Variants in PGR observed in about 807,000 individuals in gnomAD.
PGR encodes the protein progesterone receptor.
A neutral mutation model predicts 76.1 loss-of-function variants in PGR; 25 were observed. The observed-to-expected ratio is 0.33, with a 90% CI of 0.24 to 0.46. The LOEUF (loss-of-function observed/expected upper bound fraction) is 0.46, where lower values mean the gene tolerates loss of function less well. Among genes scored for constraint, PGR ranks in the 20% least tolerant of loss-of-function variants. The pLI is 1.00. For synonymous variants in PGR, 579 were observed against 535.0 expected, an observed-to-expected ratio of 1.08 and a Z score of -1.14; for missense variants, 1,172 against 1,225.3, an observed-to-expected ratio of 0.96 and a Z score of 0.65.
chr11:101,063,016 A>G (rs1161152954), intron 3 of PGR: 1 of 357,316 alleles, frequency 2.8e-6, no homozygotes. Context: ...AGGTGTGGGT[A>G]ATTATACCAG....
At chr11:101,100,573 G>A (rs1861965958) in intron 2 of PGR, among the ~76,000 whole-genome samples, 1 of 151,704 alleles carries the variant, frequency 6.6e-6, no homozygotes, top group South Asian at 2.1e-4. Context: ...TTTGTTGTTA[G>A]AGGTAATAAT....
Position 101,057,373 on chromosome 11 carries a change from T to TA in PGR, c.2212+5073dup, listed in dbSNP as rs1353437066. 1.3e-4 allele frequency among the ~76,000 whole-genome samples: 20 copies of TA among 152,218 alleles called. No homozygotes were observed. The East Asian group carries it at 3.7e-3, about 28-fold the overall frequency. On this transcript the variant is annotated intron_variant, in intron 4 of 7. Transcript: ENST00000325455. ...AAACAGCATTTAGGGAACTAGATCT[T>TA]AGAGTCGTGTGAAGAGGAATGATGA... is the stretch of plus-strand genomic sequence containing the variant.
At position 101,062,826 on chromosome 11, in the gene PGR, T is replaced by G. The variant is rs137857198; in HGVS notation, c.1907-74A>C. On this transcript the variant is annotated intron_variant, in intron 3 of 7. Transcript: ENST00000325455. ...TATCCCAGTATAGTATTATTTTTCC[T>G]AAGTCTTAGAATCATAGCATTATGC... 1.1e-5 allele frequency: 11 copies of G among 1,042,300 alleles called. No individual in the cohort carries two copies. In the African/African-American group the frequency reaches 1.3e-4, roughly 12 times the overall value. 64.6% of individuals were successfully genotyped at this position (1,042,300 alleles called of 1,614,324 possible).
At chr11:101,124,644 G>A (rs1468990891) in intron 2 of PGR, among the ~76,000 whole-genome samples, 2 of 152,128 alleles carry the variant, frequency 1.3e-5, no homozygotes, top group African/African-American at 4.8e-5. Flanking sequence ...AGAAGGCAAT[G>A]TTTAAGAAAC....
chr11:101,085,920 G>C (rs1384569744), intron 3 of PGR, among the ~76,000 whole-genome samples: 1 of 152,054 alleles, frequency 6.6e-6, no homozygotes, highest in Non-Finnish European at 1.5e-5. Context: ...GCACTGAACA[G>C]ACCAATATTG....
intron 4 of PGR, among the ~76,000 whole-genome samples, chr11:101,058,507 T>A (rs530570533): frequency 6.6e-6 from 1 of 152,202 alleles, no homozygotes; most frequent in East Asian, 1.9e-4. Context: ...ATTCTGATAC[T>A]GATAATTGCA....
In PGR at chr11:101,128,373, G is replaced by A. The variant is rs779926918; in HGVS notation, c.698C>T (p.Ala233Val). ...AGGTTTGCCCTTCAGAAGCGGACCC[G>A]CAGACTCCTCGGACTCAGAGCCATC... Reference protein sequence around the residue: ...EEDGSESEESAGPLLKGKPRA... With the variant: ...EEDGSESEESVGPLLKGKPRA... The change falls in exon 1 of 8, where the codon GCG becomes GTG. Residue 233 changes from alanine to valine, a missense_variant. Around this residue, in one of 4 missense-constraint regions of PGR, gnomAD observed 893 missense variants for 785.9 expected, o/e 1.14. Coordinates refer to ENST00000325455, the MANE Select transcript of PGR (RefSeq NM_000926.4). 48 of 1,607,006 alleles carry A rather than the reference G, an allele frequency of 3.0e-5. No homozygotes were observed. The highest frequency in any genetic ancestry group is 6.7e-5 in the Admixed American group (4 of 59,944).
At chr11:101,069,416 T>C (rs1463962476) in intron 3 of PGR, among the ~76,000 whole-genome samples, 5 of 151,806 alleles carry the variant, frequency 3.3e-5, no homozygotes, top group African/African-American at 7.3e-5. Context: ...TTGGTGGGAG[T>C]GTAAATTAGT....
At chr11:101,058,314 C>G (rs539488327) in intron 4 of PGR, among the ~76,000 whole-genome samples, 28 of 152,234 alleles carry the variant, frequency 1.8e-4, no homozygotes, top group African/African-American at 6.7e-4. Context: ...AAGGCCTTTA[C>G]TCTCAGTATG....
chr11:101,055,474 G>A (rs1343833159), intron 4 of PGR, among the ~76,000 whole-genome samples: 3 of 135,286 alleles, frequency 2.2e-5, no homozygotes, highest in Non-Finnish European at 3.2e-5. Flanking sequence ...TCATTAATCA[G>A]ATGTATTAAA....
Position 101,127,887 on chromosome 11 carries a change from T to A in PGR, c.1184A>T (p.Glu395Val). 2 of 1,588,144 alleles carry A rather than the reference T, an allele frequency of 1.3e-6. No homozygotes were observed. The highest frequency in any genetic ancestry group is 1.7e-6 in the Non-Finnish European group (2 of 1,170,308). Residue 395 changes from glutamate to valine, a missense_variant, in exon 1 of 8, where the codon GAG becomes GTG. This residue lies in a region of PGR where 893 missense variants were observed against 785.9 expected (regional missense o/e 1.14). Transcript: ENST00000325455. ...GGAACGCGGGGAGCGCGCGGAGGCC[T>A]CCGCGCCTTCCTCCTCCTCCTTTAT... Reference protein sequence around the residue: ...LKIKEEEEGAEASARSPRSYL... With the variant: ...LKIKEEEEGAVASARSPRSYL...
chr11:101,090,612 A>C (rs1302470068), intron 3 of PGR, among the ~76,000 whole-genome samples: 3 of 152,236 alleles, frequency 2.0e-5, no homozygotes, highest in Non-Finnish European at 2.9e-5. Context: ...GGGACTCAAA[A>C]ACAATTTTAA....
rs745396859 is a variant in PGR, at chr11:101,127,613, G to A, written c.1458C>T (p.Ser486=). 7.7e-7 allele frequency: 1 copy of A among 1,305,024 alleles called. No homozygotes were observed. 80.8% of individuals were successfully genotyped at this position (1,305,024 alleles called of 1,614,324 possible). A position where few individuals can be genotyped will look rare whatever the true frequency, so the allele number is the denominator to read the frequency against. ...GGCCGTCCCGCGGGAGCAGGCAGCC[G>A]CTCGCGCCCGGCGCCTTGCAGGGCG... ...APPPCKAPGA[S]GCLLPRDGLP... is the part of the protein sequence containing the mutation. The change falls in exon 1 of 8, where the codon AGC becomes AGT. Residue 486 remains serine, a synonymous_variant. Coordinates refer to ENST00000325455, the MANE Select transcript of PGR (RefSeq NM_000926.4).
chr11:101,050,109 G>T (rs1434361202), intron 5 of PGR, 50 bp from the exon 6 acceptor site: 2 of 1,594,556 alleles, frequency 1.3e-6, no homozygotes, highest in Admixed American at 3.4e-5. Flanking sequence ...AAAAAAAATA[G>T]TGTCTCAGCC....
chr11:101,079,603 A>T (rs1029182827), intron 3 of PGR, among the ~76,000 whole-genome samples: 4 of 152,196 alleles, frequency 2.6e-5, no homozygotes, highest in African/African-American at 9.7e-5. Context: ...TACTAAAAAG[A>T]CAAAAAATAA....
chr11:101,096,315 A>G (rs1279465140), intron 2 of PGR, among the ~76,000 whole-genome samples: 1 of 152,224 alleles, frequency 6.6e-6, no homozygotes, highest in Non-Finnish European at 1.5e-5. Flanking sequence ...ACTTTTCATC[A>G]TCTTTAACAT....
At chr11:101,047,111 C>G (rs1262456462) in intron 6 of PGR, among the ~76,000 whole-genome samples, 1 of 152,142 alleles carries the variant, frequency 6.6e-6, no homozygotes, top group Non-Finnish European at 1.5e-5. Context: ...ATCTTACTCT[C>G]TATGGTATGT....
rs375555658 is a variant in PGR, at chr11:101,114,237, C to A, written c.1789+11770G>T. On this transcript the variant is annotated intron_variant, in intron 2 of 7. Transcript: ENST00000325455. Reference sequence around the variant, plus strand: ...CACACCTCTCATAGATATTACCAGACTGCATTTCTGCAACGTGTTTATGTG... The same window carrying A: ...CACACCTCTCATAGATATTACCAGAATGCATTTCTGCAACGTGTTTATGTG... 2.6e-5 allele frequency among the ~76,000 whole-genome samples: 4 copies of A among 152,332 alleles called. No individual in the cohort carries two copies. In the South Asian group the frequency reaches 6.2e-4, roughly 24 times the overall value.
rs1329590506 is a variant in PGR, at chr11:101,070,369, C to T, written c.1907-7617G>A. 3.9e-5 allele frequency among the ~76,000 whole-genome samples: 6 copies of T among 152,164 alleles called. No homozygotes were observed. The East Asian group carries it at 1.2e-3, about 29-fold the overall frequency. ...CCTTGGGTGCCTAAATCACCAGGGC[C>T]CTGGGTTTCAAGCACAAAACTGGGC... On this transcript the variant is annotated intron_variant, in intron 3 of 7. Transcript: ENST00000325455.
Sources: gnomAD v4.1 joint callset for allele counts (sites outside exome capture counted in the v4.1 genomes callset) on GRCh38, gnomAD v4.1.1 for gene constraint, gnomAD v4.1.1 regional missense constraint, MANE v1.5 for transcripts, NCBI Gene and HGNC (gene_info 2026-07-23, HGNC 2026-07-21) for gene names.